Variants in PREP observed in about 807,000 individuals in gnomAD.
PREP encodes dJ355L5.1 (prolyl endopeptidase).
A neutral mutation model predicts 87.6 loss-of-function variants in PREP; 29 were observed. The observed-to-expected ratio is 0.33, with a 90% CI of 0.25 to 0.45. The LOEUF is 0.45. Among genes scored for constraint, PREP ranks in the 20% least tolerant of loss-of-function variants. The pLI, the probability that PREP is intolerant of heterozygous loss-of-function variation, is 1.00. For missense variants in PREP, 695 were observed against 886.5 expected (o/e 0.78, Z 2.74); for synonymous variants, 337 against 328.6 (o/e 1.03, Z -0.28).
At chr6:105,279,365 T>TAAAA (rs1770021350) in intron 14 of PREP, among the ~76,000 whole-genome samples, 1 of 152,198 alleles carries the variant, frequency 6.6e-6, no homozygotes, top group South Asian at 2.1e-4. Context: ...AGATCTGTTT[T>TAAAA]CTGATCTCAT....
At chr6:105,337,450 A>T (rs887682238) in intron 7 of PREP, among the ~76,000 whole-genome samples, 13 of 152,166 alleles carry the variant, frequency 8.5e-5, no homozygotes, top group African/African-American at 3.1e-4. Context: ...GAGAATTCAC[A>T]TCCTGTCTTC....
intron 10 of PREP, among the ~76,000 whole-genome samples, chr6:105,308,415 A>G (rs1420714212): frequency 6.6e-6 from 1 of 152,148 alleles, no homozygotes; most frequent in Non-Finnish European, 1.5e-5. Context: ...GGGCTCCAGT[A>G]CAATAAAAGC....
At chr6:105,285,309 G>A (rs576720924) in intron 12 of PREP, among the ~76,000 whole-genome samples, 177 bp downstream of exon 12, 3 of 152,302 alleles carry the variant, frequency 2.0e-5, no homozygotes, top group East Asian at 3.9e-4. Flanking sequence ...AATGTGAAAA[G>A]TGAGTTGTTT....
chr6:105,377,038 T>C (rs1395419467), intron 3 of PREP, among the ~76,000 whole-genome samples: 1 of 152,198 alleles, frequency 6.6e-6, no homozygotes, highest in Non-Finnish European at 1.5e-5. Context: ...CAGAATTAAA[T>C]GTTTCCAAGT....
chr6:105,339,981 CAGG>C, intron 7 of PREP, among the ~76,000 whole-genome samples: 1 of 152,164 alleles, frequency 6.6e-6, no homozygotes, highest in East Asian at 1.9e-4. Context: ...GGATATTATC[CAGG>C]AGAACGCCCC....
intron 7 of PREP, among the ~76,000 whole-genome samples, chr6:105,344,035 GATTAT>G (rs1321992392): frequency 6.6e-6 from 1 of 152,196 alleles, no homozygotes; most frequent in Non-Finnish European, 1.5e-5. Context: ...ATACCCAAAG[GATTAT>G]AAATCGTGCT....
chr6:105,292,108 T>A (rs1770309436), intron 10 of PREP, among the ~76,000 whole-genome samples: 2 of 152,148 alleles, frequency 1.3e-5, no homozygotes, highest in African/African-American at 2.4e-5. Flanking sequence ...AGCGTTACAA[T>A]CACTTCTTTC....
intron 5 of PREP, among the ~76,000 whole-genome samples, chr6:105,371,961 G>A (rs2114707260): frequency 6.6e-6 from 1 of 152,226 alleles, no homozygotes; most frequent in Non-Finnish European, 1.5e-5. Context: ...TTCCCAGAAG[G>A]TGGAAATAAC....
At chr6:105,392,406 T>A (rs954582051) in intron 2 of PREP, among the ~76,000 whole-genome samples, 3 of 152,212 alleles carry the variant, frequency 2.0e-5, no homozygotes, top group Non-Finnish European at 4.4e-5. Context: ...ATGGTTACTC[T>A]GATATCCCAT....
At chr6:105,328,081 G>A (rs1348964230) in intron 9 of PREP, among the ~76,000 whole-genome samples, 1 of 152,098 alleles carries the variant, frequency 6.6e-6, no homozygotes, top group Non-Finnish European at 1.5e-5. Flanking sequence ...TTTTCATGAT[G>A]TAAGACTATA....
chr6:105,354,539 G>C (rs935742946), intron 6 of PREP, among the ~76,000 whole-genome samples: 1 of 148,270 alleles, frequency 6.7e-6, no homozygotes, highest in Non-Finnish European at 1.5e-5. Context: ...TTTTTTTTAA[G>C]ATAAGATTAC....
At chr6:105,291,145 C>G (rs748669185) in intron 10 of PREP, among the ~76,000 whole-genome samples, 4 of 152,190 alleles carry the variant, frequency 2.6e-5, no homozygotes, top group Non-Finnish European at 5.9e-5. Flanking sequence ...TAATGGTTAT[C>G]TGAGACTTCA....
intron 1 of PREP, among the ~76,000 whole-genome samples, chr6:105,401,218 G>C (rs1773422363): frequency 6.6e-6 from 1 of 152,158 alleles, no homozygotes; most frequent in African/African-American, 2.4e-5. Flanking sequence ...GTAGGATTTA[G>C]GCACCCACAG....
intron 7 of PREP, among the ~76,000 whole-genome samples, chr6:105,343,789 A>G (rs1313334134): frequency 6.6e-6 from 1 of 152,264 alleles, no homozygotes; most frequent in African/African-American, 2.4e-5. Context: ...ATCACTGGCC[A>G]TCAGAGAAAT....
chr6:105,361,397 T>C (rs1002809994), intron 6 of PREP, among the ~76,000 whole-genome samples: 3 of 152,156 alleles, frequency 2.0e-5, no homozygotes, highest in Non-Finnish European at 4.4e-5. Context: ...TGGTGGTGTA[T>C]TAATAAGGAA....
chr6:105,353,851 C>T (rs1298471135), intron 6 of PREP, among the ~76,000 whole-genome samples: 4 of 151,074 alleles, frequency 2.6e-5, no homozygotes, highest in Non-Finnish European at 4.4e-5. Flanking sequence ...GTCACATTGA[C>T]AAGTTTCTAC....
chr6:105,300,216 A>T (rs1252945387), intron 10 of PREP, among the ~76,000 whole-genome samples: 1 of 152,170 alleles, frequency 6.6e-6, no homozygotes, highest in East Asian at 1.9e-4. Flanking sequence ...TATTTTCTTA[A>T]AAAGGAGACT....
intron 9 of PREP, among the ~76,000 whole-genome samples, chr6:105,327,312 G>T (rs777474557): frequency 1.3e-5 from 2 of 152,084 alleles, no homozygotes; most frequent in African/African-American, 4.8e-5. Flanking sequence ...AGAGGGAATG[G>T]GGGGAGGTGC....
chr6:105,313,604 G>A (rs1770802808), intron 10 of PREP, among the ~76,000 whole-genome samples: 1 of 152,218 alleles, frequency 6.6e-6, no homozygotes, highest in Non-Finnish European at 1.5e-5. Context: ...CTATTAGGGA[G>A]GCAGAAATAG....
Sources: gnomAD v4.1 joint callset for allele counts (sites outside exome capture counted in the v4.1 genomes callset) on GRCh38, gnomAD v4.1.1 for gene constraint, MANE v1.5 for transcripts, NCBI Gene and HGNC (gene_info 2026-07-23, HGNC 2026-07-21) for gene names.